The following BRD10 variants were observed in gnomAD, a reference collection of about 807,000 sequenced individuals.
BRD10 encodes the protein uncharacterized bromodomain-containing protein 10.
the BRD10 span, among the ~76,000 whole-genome samples, chr9:5,960,922 T>C: frequency 2.6e-5 from 4 of 152,218 alleles, no homozygotes; most frequent in Non-Finnish European, 5.9e-5. Flanking sequence ...GTTCATGGTA[T>C]ACTGATACGC....
the BRD10 span, among the ~76,000 whole-genome samples, chr9:5,903,520 T>C: frequency 3.6e-4 from 55 of 152,344 alleles, no homozygotes; most frequent in African/African-American, 1.3e-3. Context: ...GTTGGCCTCA[T>C]ACAATGAGTT....
At chr9:5,938,541 G>C in the BRD10 span, among the ~76,000 whole-genome samples, 1 of 152,068 alleles carries the variant, frequency 6.6e-6, no homozygotes, top group East Asian at 1.9e-4. Flanking sequence ...TTGACTATAG[G>C]AACTTAGTTT....
the BRD10 span, among the ~76,000 whole-genome samples, chr9:5,948,034 G>C: frequency 6.6e-6 from 1 of 152,098 alleles, no homozygotes; most frequent in African/African-American, 2.4e-5. Flanking sequence ...GAGGTTACAA[G>C]AAGAGTTTTA....
the BRD10 span, among the ~76,000 whole-genome samples, chr9:6,003,763 G>A: frequency 1.4e-4 from 21 of 151,822 alleles, no homozygotes; most frequent in African/African-American, 4.3e-4. Context: ...AATATATATA[G>A]ATAATATAAA....
chr9:5,903,714 T>C, the BRD10 span, among the ~76,000 whole-genome samples: 1 of 152,216 alleles, frequency 6.6e-6, no homozygotes. Context: ...TGTTCTTATG[T>C]CTTCTTGGAG....
the BRD10 span, among the ~76,000 whole-genome samples, chr9:5,932,922 TAATTAA>T: frequency 6.6e-6 from 1 of 152,122 alleles, no homozygotes; most frequent in Non-Finnish European, 1.5e-5. Flanking sequence ...ATTACAATAA[TAATTAA>T]AATAATAATG....
the BRD10 span, among the ~76,000 whole-genome samples, chr9:5,880,992 CA>C: frequency 6.6e-6 from 1 of 152,152 alleles, no homozygotes; most frequent in African/African-American, 2.4e-5. Context: ...CATGAGCCAC[CA>C]CGCTCGGCCC....
At chr9:5,918,390 T>G in the BRD10 span, among the ~76,000 whole-genome samples, 1 of 152,116 alleles carries the variant, frequency 6.6e-6, no homozygotes, top group African/African-American at 2.4e-5. Context: ...GATATAAAGA[T>G]CCAATAAATA....
chr9:5,914,015 T>G, the BRD10 span: 1 of 452,438 alleles, frequency 2.2e-6, no homozygotes, highest in Non-Finnish European at 4.4e-6. Context: ...TGAGAAAAAA[T>G]GCTCAAGAAA....
chr9:5,884,466 G>A, the BRD10 span, among the ~76,000 whole-genome samples: 2 of 152,144 alleles, frequency 1.3e-5, no homozygotes, highest in South Asian at 4.1e-4. Flanking sequence ...TCACCAGACC[G>A]GTCTGGGGCC....
At chr9:5,939,546 G>C in the BRD10 span, among the ~76,000 whole-genome samples, 2 of 152,184 alleles carry the variant, frequency 1.3e-5, no homozygotes, top group Non-Finnish European at 2.9e-5. Context: ...TCAAGTACAA[G>C]TCTTAATTAG....
the BRD10 span, chr9:5,908,868 G>C: frequency 1.6e-6 from 1 of 613,204 alleles, no homozygotes; most frequent in Non-Finnish European, 2.9e-6. Context: ...TCCGCTAGCA[G>C]TACTAATCAT....
chr9:5,971,052 CAAAAAAAAAAAAAAA>C, the BRD10 span, among the ~76,000 whole-genome samples: 1 of 43,198 alleles, frequency 2.3e-5, no homozygotes, highest in African/African-American at 7.8e-5. Context: ...AGCAACGTCT[CAAAAAAAAAAAAAAA>C]AAAAAAAAAA....
the BRD10 span, among the ~76,000 whole-genome samples, chr9:5,912,625 G>C: frequency 6.6e-6 from 1 of 152,172 alleles, no homozygotes; most frequent in East Asian, 1.9e-4. Flanking sequence ...AGGAAAGGGA[G>C]ATCCTTGTGA....
chr9:5,881,339 G>T, the BRD10 span, among the ~76,000 whole-genome samples: 5 of 152,216 alleles, frequency 3.3e-5, no homozygotes, highest in African/African-American at 1.2e-4. Flanking sequence ...TAAAAGACCA[G>T]GTCTTGTGGG....
At chr9:5,951,839 T>C in the BRD10 span, among the ~76,000 whole-genome samples, 1 of 152,088 alleles carries the variant, frequency 6.6e-6, no homozygotes, top group African/African-American at 2.4e-5. Flanking sequence ...TGTGAGACAG[T>C]TGCCAAGTTT....
At chr9:6,007,044 CCCAGCGCCGCTCCTCCTCCCGGGCTTCT>C in the BRD10 span, 6 of 779,032 alleles carry the variant, frequency 7.7e-6, no homozygotes, top group African/African-American at 1.8e-5. Flanking sequence ...CCGGTCCCCG[CCCAGCGCCGCTCCTCCTCCCGGGCTTCT>C]CCAGCACCGA....
At chr9:5,945,009 C>T in the BRD10 span, 3 of 873,636 alleles carry the variant, frequency 3.4e-6, no homozygotes, top group African/African-American at 1.8e-5. Context: ...ATATAAAACA[C>T]CCAAAATGTG....
At chr9:5,899,098 C>T in the BRD10 span, 81 of 152,224 alleles carry the variant, frequency 5.3e-4, no homozygotes, top group African/African-American at 1.8e-3. Context: ...CTTCAGCACC[C>T]GAAGGCATTC....
Sources: allele counts gnomAD v4.1 joint callset (sites outside exome capture counted in the v4.1 genomes callset), GRCh38; gene constraint gnomAD v4.1.1; transcripts MANE v1.5; gene names NCBI Gene and HGNC (gene_info 2026-07-23, HGNC 2026-07-21).